Variants in SNX24 observed in about 807,000 individuals in gnomAD.
SNX24 encodes sorting nexin 24, also known as sorting nexin-24.
SNX24 carries 22 observed loss-of-function variants against 28.7 expected under a neutral mutation model. The observed-to-expected ratio is 0.77, with a 90% CI of 0.55 to 1.10. The LOEUF is 1.10. SNX24 is among the 50% of genes least tolerant of loss of function. SNX24 has a pLI of 0.00. For synonymous variants in SNX24, 69 were observed against 71.5 expected (o/e 0.96, Z 0.18); for missense variants, 221 against 201.1 (o/e 1.10, Z -0.60).
chr5:122,998,346 A>C (rs1045938809), intron 3 of SNX24: 1 of 152,142 alleles, frequency 6.6e-6, no homozygotes, highest in African/African-American at 2.4e-5. Context: ...AGGCAAGTTT[A>C]AGTTGTTGTT....
intron 1 of SNX24, among the ~76,000 whole-genome samples, chr5:122,864,985 G>A (rs1240122410): frequency 1.3e-5 from 2 of 152,194 alleles, no homozygotes; most frequent in Non-Finnish European, 2.9e-5. Context: ...GAATGAACAA[G>A]GACAGCTTGG....
Position 122,918,513 on chromosome 5 carries a change from A to C in SNX24, c.61-18221A>C, listed in dbSNP as rs139980580. Among the ~76,000 whole-genome samples the C allele has an allele frequency of 1.6e-4, 25 of 152,318 alleles. No homozygotes were observed. The East Asian group carries it at 4.4e-3, about 27-fold the overall frequency. ...TTTATGTGTTGCTTCATAAGTAATC[A>C]TATTTACTTGTCTTCTTTGCTAAGT... On this transcript the variant is annotated intron_variant, in intron 1 of 6. Transcript: ENST00000261369.
chr5:122,934,600 C>T (rs1759104681), intron 1 of SNX24, among the ~76,000 whole-genome samples: 1 of 152,252 alleles, frequency 6.6e-6, no homozygotes, highest in Admixed American at 6.5e-5. Flanking sequence ...CCTCATGATC[C>T]ACCTGCCTCG....
At chr5:122,910,209 G>C (rs958740868) in intron 1 of SNX24, among the ~76,000 whole-genome samples, 1 of 152,162 alleles carries the variant, frequency 6.6e-6, no homozygotes, top group Non-Finnish European at 1.5e-5. Flanking sequence ...TTCAGGGTTT[G>C]TATGCTTTGC....
intron 1 of SNX24, among the ~76,000 whole-genome samples, chr5:122,935,784 T>C (rs1372865926): frequency 2.6e-5 from 4 of 152,240 alleles, no homozygotes; most frequent in Non-Finnish European, 4.4e-5. Context: ...TAATACTTTT[T>C]AGTGTCATGT....
At chr5:122,919,299 G>A (rs1034988515) in intron 1 of SNX24, among the ~76,000 whole-genome samples, 4 of 152,116 alleles carry the variant, frequency 2.6e-5, no homozygotes, top group African/African-American at 9.7e-5. Flanking sequence ...CATGTAAATC[G>A]GCATATTGGG....
At chr5:122,884,299 T>TCACTGC (rs1212272846) in intron 1 of SNX24, among the ~76,000 whole-genome samples, 1 of 133,124 alleles carries the variant, frequency 7.5e-6, no homozygotes, top group Non-Finnish European at 1.5e-5. Context: ...TTGCCTAGGC[T>TCACTGC]AGAGTGCAGT....
chr5:122,916,491 A>T (rs757000305), intron 1 of SNX24, among the ~76,000 whole-genome samples: 1 of 98,968 alleles, frequency 1.0e-5, no homozygotes, highest in African/African-American at 4.3e-5. Flanking sequence ...TTTCGTGTTT[A>T]TAATATTTTG....
chr5:122,856,250 T>G (rs565755595), intron 1 of SNX24, among the ~76,000 whole-genome samples: 3 of 152,278 alleles, frequency 2.0e-5, no homozygotes, highest in East Asian at 1.9e-4. Context: ...CTGTGTGTGT[T>G]TGTTAGGTTA....
chr5:122,893,664 A>G (rs1757080054), intron 1 of SNX24, among the ~76,000 whole-genome samples: 1 of 152,224 alleles, frequency 6.6e-6, no homozygotes, highest in African/African-American at 2.4e-5. Context: ...CAATAAACTC[A>G]CTAAATAGAA....
rs1756944774 is a variant in SNX24, at chr5:122,891,033, A to G, written c.60+45340A>G. ...TTTCTGTCTTACCTCTCAGGTGGTA[A>G]TAGTTTGGCATAGAGCCTTCCAGAC... On this transcript the variant is annotated intron_variant, in intron 1 of 6. Coordinates refer to ENST00000261369, the MANE Select transcript of SNX24 (RefSeq NM_014035.4). 12 of 1,499,856 alleles carry G rather than the reference A, an allele frequency of 8.0e-6. No homozygotes were observed. In the South Asian group the frequency reaches 1.5e-4, roughly 19 times the overall value. 92.9% of individuals were successfully genotyped at this position (1,499,856 alleles called of 1,614,324 possible). A position where few individuals can be genotyped will look rare whatever the true frequency, so the allele number is the denominator to read the frequency against.
intron 3 of SNX24, among the ~76,000 whole-genome samples, chr5:122,989,387 G>A (rs896259341): frequency 1.3e-5 from 2 of 152,198 alleles, no homozygotes; most frequent in African/African-American, 2.4e-5. Flanking sequence ...GAGGAAAGGG[G>A]TGGAGAAATG....
chr5:122,891,493 T>C (rs189025523), intron 1 of SNX24, among the ~76,000 whole-genome samples: 95 of 152,326 alleles, frequency 6.2e-4, no homozygotes, highest in Admixed American at 4.6e-3. Context: ...TTATTGAATT[T>C]TTTTCAGTGA....
intron 5 of SNX24, among the ~76,000 whole-genome samples, chr5:123,018,976 C>T (rs916101924): frequency 2.6e-5 from 4 of 152,034 alleles, no homozygotes; most frequent in Non-Finnish European, 4.4e-5. Context: ...TGAGCCACCG[C>T]GCCTGGCCTA....
rs546019961 is a variant in SNX24, at chr5:122,863,691, G to A, written c.60+17998G>A. On this transcript the variant is annotated intron_variant, in intron 1 of 6. Coordinates refer to ENST00000261369, the MANE Select transcript of SNX24 (RefSeq NM_014035.4). ...GAGGCACAGCCTCCCAAGCAGCTAG[G>A]ACCATGGACGCATGCTATCACACCT... Among the ~76,000 whole-genome samples, 4 of 152,222 alleles carry A rather than the reference G, an allele frequency of 2.6e-5. No homozygotes were observed. In the South Asian group the frequency reaches 6.2e-4, roughly 24 times the overall value.
chr5:122,956,365 TATAC>T (rs1185058618), intron 3 of SNX24, among the ~76,000 whole-genome samples: 120 of 61,398 alleles, frequency 2.0e-3, no homozygotes, highest in Non-Finnish European at 2.8e-3. Context: ...AAAAAAAATA[TATAC>T]ACACACACAC....
intron 1 of SNX24, 29 bp downstream of exon 1, chr5:122,845,722 C>T: frequency 7.5e-7 from 1 of 1,329,904 alleles, no homozygotes; most frequent in Middle Eastern, 2.1e-4. Flanking sequence ...CGGACAGGGC[C>T]CCGCGAGCCA....
At chr5:122,876,391 A>G (rs75885299) in intron 1 of SNX24, among the ~76,000 whole-genome samples, 2,665 of 152,316 alleles carry the variant, frequency 0.017, 87 homozygotes, top group African/African-American at 0.06. Flanking sequence ...TGCTTAATTA[A>G]TATATTGGTA....
intron 6 of SNX24, among the ~76,000 whole-genome samples, chr5:123,003,253 AC>A (rs2150177776): frequency 6.6e-6 from 1 of 152,126 alleles, no homozygotes; most frequent in East Asian, 1.9e-4. Flanking sequence ...TCCTAGTAGC[AC>A]CCCGATCAGA....
Sources: gnomAD v4.1 joint callset for allele counts (sites outside exome capture counted in the v4.1 genomes callset) on GRCh38, gnomAD v4.1.1 for gene constraint, MANE v1.5 for transcripts, NCBI Gene and HGNC (gene_info 2026-07-23, HGNC 2026-07-21) for gene names.